Variants in LGR5 observed in about 807,000 individuals in gnomAD.
LGR5 encodes leucine rich repeat containing G protein-coupled receptor 5, also known as leucine-rich repeat-containing G protein-coupled receptor 5.
In LGR5, 54 loss-of-function variants were observed where a neutral mutation model predicts 76.7. The observed-to-expected ratio is 0.70, with a 90% CI of 0.57 to 0.88. LGR5 has a LOEUF of 0.88. LGR5 is among the 40% of genes least tolerant of loss of function. The pLI, the probability that LGR5 is intolerant of heterozygous loss-of-function variation, is 0.00. For synonymous variants in LGR5, 406 were observed against 421.9 expected (o/e 0.96, Z 0.46); for missense variants, 1,078 against 1,073.3 (o/e 1.00, Z -0.06).
chr12:71,480,620 C>T (rs973222312), intron 1 of LGR5, among the ~76,000 whole-genome samples: 4 of 151,984 alleles, frequency 2.6e-5, no homozygotes, highest in East Asian at 1.9e-4. Flanking sequence ...AGGGGGAAAC[C>T]TTAGGACCCA....
At chr12:71,492,974 T>C (rs1874141371) in intron 1 of LGR5, among the ~76,000 whole-genome samples, 2 of 151,306 alleles carry the variant, frequency 1.3e-5, no homozygotes, top group Non-Finnish European at 2.9e-5. Flanking sequence ...AATCTTTCAT[T>C]TTTTAATCAG....
intron 3 of LGR5, among the ~76,000 whole-genome samples, chr12:71,531,323 T>G (rs1265457642): frequency 6.6e-6 from 1 of 152,198 alleles, no homozygotes; most frequent in African/African-American, 2.4e-5. Context: ...CTTGTAATTG[T>G]TTTCCCTCCC....
At chr12:71,468,127 T>G (rs935785928) in intron 1 of LGR5, among the ~76,000 whole-genome samples, 8 of 152,204 alleles carry the variant, frequency 5.3e-5, no homozygotes, top group African/African-American at 1.9e-4. Context: ...AATGACAAAC[T>G]GGTAGGCAAG....
chr12:71,497,456 A>T (rs755577445), intron 1 of LGR5, among the ~76,000 whole-genome samples: 8 of 152,148 alleles, frequency 5.3e-5, no homozygotes, highest in Non-Finnish European at 2.9e-5. Flanking sequence ...ATTTTCCTGT[A>T]TATGTTATAC....
chr12:71,439,907 C>A lies in LGR5; in HGVS notation c.-174C>A, dbSNP rs1337636594. On this transcript the variant is annotated 5_prime_UTR_variant, in exon 1 of 18. Transcript: ENST00000266674. ...TGGCGGCAACCGGCACCTCTGTCCC[C>A]GCCGCGCTTCTCCTCGCCGCCCACG... 3 of 587,684 alleles carry A rather than the reference C, an allele frequency of 5.1e-6. No individual in the cohort carries two copies. The East Asian group carries it at 9.9e-5, about 19-fold the overall frequency. 36.4% of individuals were successfully genotyped at this position (587,684 alleles called of 1,614,324 possible).
intron 1 of LGR5, among the ~76,000 whole-genome samples, chr12:71,484,896 C>T (rs547282928): frequency 8.8e-4 from 134 of 152,322 alleles, no homozygotes; most frequent in Middle Eastern, 3.4e-3. Flanking sequence ...GTTTAAGTGT[C>T]TCTTCGAAGT....
At chr12:71,446,947 G>T (rs143647607) in intron 1 of LGR5, among the ~76,000 whole-genome samples, 54 of 152,286 alleles carry the variant, frequency 3.5e-4, no homozygotes, top group African/African-American at 1.1e-3. Context: ...TGTGAAGAGG[G>T]ATCAATAGAT....
rs559903714 is a variant in LGR5 at position 71,496,139 on chromosome 12, AG to A, written c.213-8473del. 1.5e-3 allele frequency among the ~76,000 whole-genome samples: 229 copies of A among 152,336 alleles called. 2 individuals carry two copies. Among genetic ancestry groups the A allele is most frequent in the African/African-American group, 5.4e-3 (223 of 41,582 alleles). On this transcript the variant is annotated intron_variant, in intron 1 of 17. Transcript: ENST00000266674. Reference sequence around the variant, plus strand: ...GTAATCCCAGCACTTTGGGAGGCCAAGGCAGGCAGATCACCAGGTCAGGAGA... The same window carrying A: ...GTAATCCCAGCACTTTGGGAGGCCAAGCAGGCAGATCACCAGGTCAGGAGA...
chr12:71,519,663 A>AAACAAAT, intron 2 of LGR5, among the ~76,000 whole-genome samples: 1 of 151,684 alleles, frequency 6.6e-6, no homozygotes. Context: ...AAAAAACAAA[A>AAACAAAT]AAAACCACAA....
chr12:71,580,251 T>C, intron 15 of LGR5, 27 bp from the exon 16 acceptor site: 2 of 1,576,644 alleles, frequency 1.3e-6, no homozygotes. Flanking sequence ...TTTAAGTGTT[T>C]TTTGTTTGGG....
intron 11 of LGR5, 123 bp from the exon 12 acceptor site, chr12:71,571,391 A>G (rs3816060): frequency 0.19 from 114,111 of 609,566 alleles, 12,765 homozygotes; most frequent in East Asian, 0.41. Flanking sequence ...TGTCAGGGCT[A>G]TGAAAATGTT....
chr12:71,537,574 A>G (rs114533655), intron 4 of LGR5, among the ~76,000 whole-genome samples: 2,017 of 152,300 alleles, frequency 0.013, 45 homozygotes, highest in African/African-American at 0.046. Context: ...GGAGTGCCCT[A>G]CCCATACATA....
chr12:71,561,683 T>C, intron 7 of LGR5, 98 bp from the exon 8 acceptor site: 1 of 585,490 alleles, frequency 1.7e-6, no homozygotes, highest in Non-Finnish European at 2.9e-6. Flanking sequence ...CTCTGGTTAC[T>C]AAAGGTTCTG....
rs10629001 is a variant in LGR5 at position 71,548,301 on chromosome 12, C to CTGTGTGTGTGTGTGTGTGTG, written c.429-4767_429-4748dup. 7.4e-3 allele frequency among the ~76,000 whole-genome samples: 767 copies of CTGTGTGTGTGTGTGTGTGTG among 104,086 alleles called. 8 individuals carry two copies. Among genetic ancestry groups the CTGTGTGTGTGTGTGTGTGTG allele is most frequent in the Middle Eastern group, 0.028 (5 of 176 alleles). The allele number at this position is 104,086 out of a possible 152,430, so 68.3% of individuals were successfully genotyped here. A position where few individuals can be genotyped will look rare whatever the true frequency, so the allele number is the denominator to read the frequency against. Reference sequence around the variant, plus strand: ...GAACAAAACTATTTGCCTTGTTGCACTGTGTGTGTGTGTGTGTGTGTGTGC... The same window carrying CTGTGTGTGTGTGTGTGTGTG: ...GAACAAAACTATTTGCCTTGTTGCACTGTGTGTGTGTGTGTGTGTGTGTGTGTGTGTGTGTGTGTGTGTGC... On this transcript the variant is annotated intron_variant, in intron 4 of 17. Transcript: ENST00000266674.
At chr12:71,525,713 T>G (rs1875965965) in intron 3 of LGR5, among the ~76,000 whole-genome samples, 1 of 151,814 alleles carries the variant, frequency 6.6e-6, no homozygotes, top group African/African-American at 2.4e-5. Context: ...ATTGGATATA[T>G]AAGCCAGTGT....
chr12:71,475,235 A>T (rs11178817), intron 1 of LGR5, among the ~76,000 whole-genome samples: 2,805 of 152,332 alleles, frequency 0.018, 99 homozygotes, highest in African/African-American at 0.064. Context: ...TGACAAAAAA[A>T]AGTTGGCTAT....
chr12:71,477,785 T>C (rs1427108029), intron 1 of LGR5, among the ~76,000 whole-genome samples: 1 of 152,166 alleles, frequency 6.6e-6, no homozygotes, highest in Non-Finnish European at 1.5e-5. Context: ...GCCCCAACTC[T>C]AGGGCAGCTG....
At chr12:71,549,737 T>C (rs147706838) in intron 4 of LGR5, among the ~76,000 whole-genome samples, 18 of 152,302 alleles carry the variant, frequency 1.2e-4, no homozygotes, top group African/African-American at 3.4e-4. Flanking sequence ...GAGAGCTTCT[T>C]ATATGAAGAA....
intron 13 of LGR5, among the ~76,000 whole-genome samples, chr12:71,573,742 C>T (rs1878721781): frequency 6.6e-6 from 1 of 151,672 alleles, no homozygotes; most frequent in African/African-American, 2.4e-5. Context: ...TAATACTATT[C>T]CTCAAAAGAC....
Sources: allele counts gnomAD v4.1 joint callset (sites outside exome capture counted in the v4.1 genomes callset), GRCh38; gene constraint gnomAD v4.1.1; transcripts MANE v1.5; gene names NCBI Gene and HGNC (gene_info 2026-07-23, HGNC 2026-07-21).